The following CBLB variants were observed in gnomAD, a reference collection of about 807,000 sequenced individuals.
CBLB encodes Cbl proto-oncogene B, also known as E3 ubiquitin-protein ligase CBL-B.
A neutral mutation model predicts 104.9 loss-of-function variants in CBLB; 31 were observed. The observed-to-expected ratio is 0.30, with a 90% CI of 0.22 to 0.40. CBLB has a LOEUF of 0.40. Among genes scored for constraint, CBLB ranks in the 10% least tolerant of loss-of-function variants. The pLI, the probability that CBLB is intolerant of heterozygous loss-of-function variation, is 1.00. For synonymous variants in CBLB, 440 were observed against 422.6 expected, an observed-to-expected ratio of 1.04 and a Z score of -0.51; for missense variants, 1,062 against 1,214.6, an observed-to-expected ratio of 0.87 and a Z score of 1.87.
chr3:105,827,381 G>C (rs1035406980), intron 3 of CBLB, among the ~76,000 whole-genome samples: 1 of 151,798 alleles, frequency 6.6e-6, no homozygotes, highest in Non-Finnish European at 1.5e-5. Context: ...ACAATTTCTT[G>C]TAAGTGTTAT....
At chr3:105,866,086 T>C (rs2092412626) in intron 2 of CBLB, among the ~76,000 whole-genome samples, 1 of 152,156 alleles carries the variant, frequency 6.6e-6, no homozygotes, top group South Asian at 2.1e-4. Flanking sequence ...TGGAGCACTT[T>C]AATATAACAA....
intron 3 of CBLB, among the ~76,000 whole-genome samples, chr3:105,847,585 G>A (rs2090428737): frequency 7.0e-6 from 1 of 142,490 alleles, no homozygotes; most frequent in Non-Finnish European, 1.5e-5. Context: ...TCTATCAAAG[G>A]CAGAGCTATT....
intron 2 of CBLB, among the ~76,000 whole-genome samples, chr3:105,865,192 TAAAC>T (rs1046798474): frequency 8.5e-5 from 13 of 152,184 alleles, no homozygotes; most frequent in East Asian, 3.8e-4. Context: ...TAAGAAAAGA[TAAAC>T]AAAAGAGGGG....
In CBLB at chr3:105,676,763, C is replaced by T. The variant is rs538597747; in HGVS notation, c.2569+1668G>A. ...TCAAATTTCATTTTGAGTTGTAATC[C>T]CCACGTGTTAGGGAGGGAACTGATG... On this transcript the variant is annotated intron_variant, in intron 17 of 18. Transcript: ENST00000394030. 9.2e-5 allele frequency among the ~76,000 whole-genome samples: 14 copies of T among 152,144 alleles called. No individual in the cohort carries two copies. The South Asian group carries it at 2.3e-3, about 25-fold the overall frequency.
chr3:105,791,275 G>C (rs2081603620), intron 3 of CBLB, among the ~76,000 whole-genome samples: 1 of 152,198 alleles, frequency 6.6e-6, no homozygotes, highest in African/African-American at 2.4e-5. Flanking sequence ...TACTTTGGCG[G>C]AGTCTCAGCC....
At chr3:105,797,954 A>G (rs1265138331) in intron 3 of CBLB, among the ~76,000 whole-genome samples, 1 of 152,242 alleles carries the variant, frequency 6.6e-6, no homozygotes, top group Non-Finnish European at 1.5e-5. Flanking sequence ...TACCCATTAC[A>G]ACGGTAGAAG....
At chr3:105,803,981 C>T (rs1276932635) in intron 3 of CBLB, among the ~76,000 whole-genome samples, 1 of 152,152 alleles carries the variant, frequency 6.6e-6, no homozygotes, top group Non-Finnish European at 1.5e-5. Flanking sequence ...GTGTGCTTTT[C>T]TCTTAGGCTA....
At chr3:105,777,276 T>C (rs1318928532) in intron 3 of CBLB, among the ~76,000 whole-genome samples, 3 of 152,232 alleles carry the variant, frequency 2.0e-5, no homozygotes, top group Non-Finnish European at 4.4e-5. Flanking sequence ...TCTAGATATA[T>C]GCATATTTTA....
chr3:105,836,616 A>G (rs1050202834), intron 3 of CBLB, among the ~76,000 whole-genome samples: 2 of 152,178 alleles, frequency 1.3e-5, no homozygotes, highest in African/African-American at 2.4e-5. Flanking sequence ...TGGCCTGAGA[A>G]ATAGGGCAAA....
At chr3:105,740,013 G>GA (rs1387094954) in intron 7 of CBLB, among the ~76,000 whole-genome samples, 1 of 152,198 alleles carries the variant, frequency 6.6e-6, no homozygotes, top group Non-Finnish European at 1.5e-5. Flanking sequence ...TGAGGCAGGG[G>GA]AATCCCTTGA....
intron 9 of CBLB, among the ~76,000 whole-genome samples, chr3:105,726,955 A>T (rs575261530): frequency 1.3e-5 from 2 of 152,274 alleles, no homozygotes; most frequent in African/African-American, 4.8e-5. Flanking sequence ...TCTATCATAG[A>T]TGGACATTTG....
At chr3:105,784,009 T>C (rs1392223381) in intron 3 of CBLB, among the ~76,000 whole-genome samples, 2 of 152,220 alleles carry the variant, frequency 1.3e-5, no homozygotes, top group Non-Finnish European at 2.9e-5. Flanking sequence ...AGGATTAACA[T>C]CTCTTTGATG....
intron 3 of CBLB, among the ~76,000 whole-genome samples, chr3:105,846,732 A>G: frequency 6.6e-6 from 1 of 152,032 alleles, no homozygotes. Context: ...CACTTTTTTC[A>G]TTTTCTTCTC....
intron 3 of CBLB, among the ~76,000 whole-genome samples, chr3:105,785,954 G>A (rs1361444446): frequency 2.0e-5 from 3 of 150,664 alleles, no homozygotes; most frequent in East Asian, 2.0e-4. Context: ...TGCCTTCTCC[G>A]TTTGAAAGCC....
intron 13 of CBLB, among the ~76,000 whole-genome samples, chr3:105,692,940 G>A (rs1194567246): frequency 4.0e-5 from 6 of 150,108 alleles, no homozygotes; most frequent in Non-Finnish European, 8.9e-5. Flanking sequence ...TTTACTAGCC[G>A]TAAACCCATT....
At chr3:105,825,915 C>A (rs1200863131) in intron 3 of CBLB, among the ~76,000 whole-genome samples, 1 of 152,124 alleles carries the variant, frequency 6.6e-6, no homozygotes, top group Non-Finnish European at 1.5e-5. Context: ...CATTTCAAAT[C>A]AGAACAGCAT....
chr3:105,825,642 A>G (rs1432426260), intron 3 of CBLB, among the ~76,000 whole-genome samples: 1 of 152,210 alleles, frequency 6.6e-6, no homozygotes, highest in Non-Finnish European at 1.5e-5. Flanking sequence ...TAGATTAACA[A>G]TAGCAGATTT....
chr3:105,826,310 C>T (rs1274436703), intron 3 of CBLB, among the ~76,000 whole-genome samples: 4 of 152,122 alleles, frequency 2.6e-5, no homozygotes, highest in Non-Finnish European at 5.9e-5. Flanking sequence ...AACCATATAA[C>T]AAGGCAGTAT....
At chr3:105,667,393 C>T (rs868717786) in intron 18 of CBLB, among the ~76,000 whole-genome samples, 1 of 152,114 alleles carries the variant, frequency 6.6e-6, no homozygotes, top group Non-Finnish European at 1.5e-5. Flanking sequence ...AAACCTCACA[C>T]ATAGATAGAA....
Sources: allele counts gnomAD v4.1 joint callset (sites outside exome capture counted in the v4.1 genomes callset), GRCh38; gene constraint gnomAD v4.1.1; transcripts MANE v1.5; gene names NCBI Gene and HGNC (gene_info 2026-07-23, HGNC 2026-07-21).